ATL1: variants seen among roughly 807,000 people sequenced by gnomAD.
The protein encoded by ATL1 is atlastin GTPase 1.
ATL1 carries 31 observed loss-of-function variants against 75.5 expected under a neutral mutation model. The ratio of observed to expected loss-of-function variants is 0.41; its 90% CI spans 0.31 to 0.55. ATL1 has a LOEUF of 0.55. ATL1 is among the 20% of genes least tolerant of loss of function. The pLI, the probability that ATL1 is intolerant of heterozygous loss-of-function variation, is 0.27. For synonymous variants in ATL1, 226 were observed against 233.3 expected, an observed-to-expected ratio of 0.97 and a Z score of 0.28; for missense variants, 405 against 662.6, an observed-to-expected ratio of 0.61 and a Z score of 4.27.
intron 6 of ATL1, among the ~76,000 whole-genome samples, chr14:50,605,965 G>A (rs1269253301): frequency 6.6e-6 from 1 of 152,052 alleles, no homozygotes; most frequent in Non-Finnish European, 1.5e-5. Context: ...GATTTGGGCA[G>A]TGTGCCCACT....
chr14:50,546,488 C>CA (rs2038634231), intron 1 of ATL1, among the ~76,000 whole-genome samples: 1 of 152,168 alleles, frequency 6.6e-6, no homozygotes, highest in Admixed American at 6.5e-5. Context: ...AATGAGTACT[C>CA]ACACATTAAG....
intron 1 of ATL1, among the ~76,000 whole-genome samples, chr14:50,537,574 A>G (rs1203460605): frequency 6.6e-6 from 1 of 152,152 alleles, no homozygotes; most frequent in Non-Finnish European, 1.5e-5. Flanking sequence ...GACACTCAAC[A>G]TGGCTTTCCC....
chr14:50,631,236 A>C lies in ATL1; in HGVS notation c.1567-993A>C, dbSNP rs566871082. On this transcript the variant is annotated intron_variant, in intron 13 of 13. Coordinates refer to ENST00000358385, the MANE Select transcript of ATL1 (RefSeq NM_015915.5). ...CGTGCCACCACTGCATTCCAGCCTG[A>C]GCGAGAGAGTGAGATTCCAACTCAA... 2.6e-5 allele frequency among the ~76,000 whole-genome samples: 4 copies of C among 151,802 alleles called. 1 individual carries two copies. In the South Asian group the frequency reaches 8.3e-4, roughly 32 times the overall value.
chr14:50,627,251 C>A (rs1439984948), intron 11 of ATL1, among the ~76,000 whole-genome samples: 3 of 152,178 alleles, frequency 2.0e-5, no homozygotes, highest in African/African-American at 7.2e-5. Context: ...ATAAAGTGTT[C>A]TTAAATTATG....
At chr14:50,588,923 C>T (rs1411972541) in intron 2 of ATL1, among the ~76,000 whole-genome samples, 1 of 151,910 alleles carries the variant, frequency 6.6e-6, no homozygotes, top group Non-Finnish European at 1.5e-5. Context: ...CCAGGTAATA[C>T]CTTATTGGAA....
chr14:50,600,363 T>G (rs747213035), intron 6 of ATL1, among the ~76,000 whole-genome samples: 20 of 152,118 alleles, frequency 1.3e-4, no homozygotes, highest in Non-Finnish European at 1.8e-4. Context: ...AGAAAAAAGT[T>G]TTCGCTGACT....
At chr14:50,536,739 C>G (rs530933849) in intron 1 of ATL1, among the ~76,000 whole-genome samples, 1 of 152,338 alleles carries the variant, frequency 6.6e-6, no homozygotes, top group African/African-American at 2.4e-5. Flanking sequence ...AGCAAAGACA[C>G]TGGTGGCATT....
intron 1 of ATL1, among the ~76,000 whole-genome samples, chr14:50,577,780 GCTT>G (rs1310065676): frequency 6.6e-6 from 1 of 151,972 alleles, no homozygotes; most frequent in Non-Finnish European, 1.5e-5. Context: ...CTTAGTACTG[GCTT>G]CTTAACATAG....
At chr14:50,622,242 A>G (rs2039473967) in intron 10 of ATL1, among the ~76,000 whole-genome samples, 1 of 152,242 alleles carries the variant, frequency 6.6e-6, no homozygotes, top group Non-Finnish European at 1.5e-5. Context: ...CATTTTTTTA[A>G]AATGAGCCAG....
chr14:50,596,095 T>C (rs957929200), intron 6 of ATL1, among the ~76,000 whole-genome samples: 11 of 152,220 alleles, frequency 7.2e-5, no homozygotes, highest in African/African-American at 2.7e-4. Context: ...AGTGTCTATA[T>C]TTTTGTGAGA....
chr14:50,551,488 A>G (rs1353310117), intron 1 of ATL1, among the ~76,000 whole-genome samples: 1 of 152,178 alleles, frequency 6.6e-6, no homozygotes, highest in Non-Finnish European at 1.5e-5. Flanking sequence ...CTATTTCAAA[A>G]GATAAAGAAA....
intron 12 of ATL1, among the ~76,000 whole-genome samples, chr14:50,628,843 A>C (rs2039549202): frequency 6.6e-6 from 1 of 152,066 alleles, no homozygotes; most frequent in Admixed American, 6.5e-5. Flanking sequence ...CAGCCTCTCG[A>C]GTAGATGGGA....
chr14:50,601,627 C>T (rs2039272777), intron 6 of ATL1, among the ~76,000 whole-genome samples: 1 of 152,146 alleles, frequency 6.6e-6, no homozygotes, highest in African/African-American at 2.4e-5. Context: ...GTAGCACGCC[C>T]AGGAAGTATA....
In ATL1 at chr14:50,628,438, G is replaced by C; in HGVS notation, c.1527G>C (p.Gln509His). Residue 509 changes from glutamine to histidine, a missense_variant, in exon 12 of 14, where the codon CAG becomes CAC. Coordinates refer to ENST00000358385, the MANE Select transcript of ATL1 (RefSeq NM_015915.5). ...EYRELGAVIDQVAAALWDQGS... is the reference protein window; with the variant it reads ...EYRELGAVIDHVAAALWDQGS... Reference sequence around the variant, plus strand: ...GAGAGCTGGGAGCTGTAATAGACCAGGTGGCTGCAGCTCTGTGGGACCAGG... The same window carrying C: ...GAGAGCTGGGAGCTGTAATAGACCACGTGGCTGCAGCTCTGTGGGACCAGG... 1.2e-6 allele frequency: 2 copies of C among 1,614,086 alleles called. No homozygotes were observed. Among genetic ancestry groups the C allele is most frequent in the Middle Eastern group, 1.6e-4 (1 of 6,062 alleles).
Position 50,594,863 on chromosome 14 carries a change from G to A in ATL1, c.574-713G>A, listed in dbSNP as rs181290039. Among the ~76,000 whole-genome samples the A allele has an allele frequency of 2.3e-3, 351 of 152,028 alleles. 2 individuals carry two copies. The highest frequency in any genetic ancestry group is 8.0e-3 in the African/African-American group (333 of 41,500). ...TACAAAAATTAGCCAGGCAGGCGTG[G>A]TGGCGCATGCCTGTGGTCCCAGCTA... On this transcript the variant is annotated intron_variant, in intron 5 of 13. Coordinates refer to ENST00000358385, the MANE Select transcript of ATL1 (RefSeq NM_015915.5).
chr14:50,538,808 A>G (rs576801939), intron 1 of ATL1, among the ~76,000 whole-genome samples: 1 of 152,184 alleles, frequency 6.6e-6, no homozygotes, highest in Admixed American at 6.5e-5. Context: ...CTGTCATCTA[A>G]TCATTTATTT....
intron 5 of ATL1, 135 bp from the exon 6 acceptor site, chr14:50,595,441 A>T: frequency 1.4e-6 from 1 of 716,006 alleles, no homozygotes; most frequent in South Asian, 1.9e-5. Flanking sequence ...GAATCTTCTT[A>T]ATGTAATATT....
chr14:50,537,498 C>A (rs1353690036), intron 1 of ATL1, among the ~76,000 whole-genome samples: 1 of 148,220 alleles, frequency 6.7e-6, no homozygotes, highest in African/African-American at 2.7e-5. Flanking sequence ...AAGAGGGCCA[C>A]TGTCCTCCAG....
intron 1 of ATL1, among the ~76,000 whole-genome samples, chr14:50,537,089 G>C (rs2038502885): frequency 6.6e-6 from 1 of 152,218 alleles, no homozygotes; most frequent in African/African-American, 2.4e-5. Context: ...CACAGGCCAG[G>C]AGACCTAGGA....
Sources: gnomAD v4.1 joint callset for allele counts (sites outside exome capture counted in the v4.1 genomes callset) on GRCh38, gnomAD v4.1.1 for gene constraint, MANE v1.5 for transcripts, NCBI Gene and HGNC (gene_info 2026-07-23, HGNC 2026-07-21) for gene names.